Variants in SLC39A10 observed in about 807,000 individuals in gnomAD.
SLC39A10 encodes zinc transporter ZIP10.
SLC39A10 carries 13 observed loss-of-function variants against 65.1 expected under a neutral mutation model. That is an observed-to-expected ratio of 0.20 (90% confidence interval 0.13 to 0.32). SLC39A10 has a LOEUF of 0.32. SLC39A10 is among the 10% of genes least tolerant of loss of function. SLC39A10 has a pLI of 1.00. For missense variants in SLC39A10, 831 were observed against 1,018.4 expected (o/e 0.82, Z 2.50); for synonymous variants, 321 against 342.2 (o/e 0.94, Z 0.68).
chr2:195,693,089 A>AT (rs1429356658), intron 3 of SLC39A10, among the ~76,000 whole-genome samples: 4 of 151,954 alleles, frequency 2.6e-5, no homozygotes, highest in Admixed American at 2.0e-4. Flanking sequence ...TGATCTTGTG[A>AT]TTTTGTTTTT....
At chr2:195,624,978 C>T (rs752748110) in intron 2 of SLC39A10, among the ~76,000 whole-genome samples, 15 of 150,362 alleles carry the variant, frequency 1.0e-4, no homozygotes, top group Non-Finnish European at 1.9e-4. Context: ...TTTGAAAGAC[C>T]GAGGCGGGTG....
intron 3 of SLC39A10, among the ~76,000 whole-genome samples, chr2:195,693,021 G>T (rs1690803073): frequency 6.6e-6 from 1 of 152,112 alleles, no homozygotes; most frequent in African/African-American, 2.4e-5. Context: ...ATTGCTGAGG[G>T]TTTTAATCAT....
At chr2:195,630,371 G>A (rs759558263) in intron 2 of SLC39A10, among the ~76,000 whole-genome samples, 1 of 151,824 alleles carries the variant, frequency 6.6e-6, no homozygotes, top group African/African-American at 2.4e-5. Context: ...AGGGATGCAG[G>A]GCTTCCATGC....
chr2:195,682,031 C>T (rs1044379651), intron 2 of SLC39A10, among the ~76,000 whole-genome samples: 3 of 152,224 alleles, frequency 2.0e-5, no homozygotes, highest in East Asian at 1.9e-4. Context: ...TAATAAGAAA[C>T]TAATAGTAAT....
At chr2:195,619,616 A>C (rs1302566102) in intron 2 of SLC39A10, among the ~76,000 whole-genome samples, 11 of 152,270 alleles carry the variant, frequency 7.2e-5, no homozygotes, top group Admixed American at 3.3e-4. Flanking sequence ...GGAAATTGCA[A>C]ATGCAGAAGC....
chr2:195,730,815 A>C (rs1450453233), intron 9 of SLC39A10, among the ~76,000 whole-genome samples: 1 of 152,192 alleles, frequency 6.6e-6, no homozygotes, highest in African/African-American at 2.4e-5. Context: ...CCTGTCTTGC[A>C]GAAGTCTCCA....
At chr2:195,713,319 T>C in intron 5 of SLC39A10, 114 bp from the exon 6 acceptor site, 1 of 836,896 alleles carries the variant, frequency 1.2e-6, no homozygotes, top group Non-Finnish European at 1.7e-6. Flanking sequence ...TAAAATAATT[T>C]ATATATAAAG....
intron 2 of SLC39A10, among the ~76,000 whole-genome samples, chr2:195,636,197 T>C (rs1475663416): frequency 6.6e-6 from 1 of 152,246 alleles, no homozygotes; most frequent in Non-Finnish European, 1.5e-5. Flanking sequence ...AGACTCAATA[T>C]ACATTTCAGC....
At chr2:195,666,226 A>G (rs1438793364) in intron 1 of SLC39A10, among the ~76,000 whole-genome samples, 1 of 152,178 alleles carries the variant, frequency 6.6e-6, no homozygotes, top group Non-Finnish European at 1.5e-5. Flanking sequence ...GTTGTCTGAA[A>G]CATAAAAAAA....
chr2:195,661,940 A>G (rs1404181014), intron 1 of SLC39A10, among the ~76,000 whole-genome samples: 1 of 152,218 alleles, frequency 6.6e-6, no homozygotes, highest in Non-Finnish European at 1.5e-5. Context: ...ATCAGATAAT[A>G]CTTATCCTTG....
intron 2 of SLC39A10, among the ~76,000 whole-genome samples, chr2:195,643,773 C>T (rs566283326): frequency 6.6e-6 from 1 of 152,328 alleles, no homozygotes; most frequent in South Asian, 2.1e-4. Context: ...ATCATTCAAC[C>T]ATGGGTAGCC....
intron 3 of SLC39A10, among the ~76,000 whole-genome samples, chr2:195,705,121 A>G (rs73054458): frequency 0.061 from 9,312 of 152,034 alleles, 394 homozygotes; most frequent in African/African-American, 0.12. Context: ...CTTTCTTTCC[A>G]CTAACCAGGA....
At chr2:195,717,481 C>A in intron 7 of SLC39A10, 1 of 153,034 alleles carries the variant, frequency 6.5e-6, no homozygotes, top group Non-Finnish European at 1.5e-5. Flanking sequence ...TAAATGTGAT[C>A]AATACATAAT....
chr2:195,675,424 A>T (rs537244608), intron 1 of SLC39A10, among the ~76,000 whole-genome samples: 2 of 152,218 alleles, frequency 1.3e-5, no homozygotes, highest in South Asian at 4.1e-4. Context: ...AAAAACATTT[A>T]CAATATTGTA....
At chr2:195,723,460 C>A (rs748219860) in intron 8 of SLC39A10, among the ~76,000 whole-genome samples, 1 of 152,058 alleles carries the variant, frequency 6.6e-6, no homozygotes, top group Admixed American at 6.6e-5. Context: ...GGAAGACAGC[C>A]GCTTCCAGGT....
chr2:195,680,111 C>T lies in SLC39A10; in HGVS notation c.69C>T (p.Asn23=), dbSNP rs752946126. 6.2e-7 allele frequency: 1 copy of T among 1,612,854 alleles called. No homozygotes were observed. Among genetic ancestry groups the T allele is most frequent in the Non-Finnish European group, 8.5e-7 (1 of 1,179,770 alleles). ...CLLTFIFHHC[N]HCHEEHDHGP... ...TGACATTTATTTTTCATCATTGCAA[C>T]CATTGCCATGAAGAACATGACCATG... The change falls in exon 2 of 10, where the codon AAC becomes AAT. Residue 23 remains asparagine, a synonymous_variant. Transcript: ENST00000359634.
intron 2 of SLC39A10, among the ~76,000 whole-genome samples, chr2:195,648,540 T>C (rs1688970693): frequency 6.6e-6 from 1 of 152,050 alleles, no homozygotes. Context: ...TAGCCAGGCA[T>C]GGTGGTGCAT....
chr2:195,697,888 T>C (rs530121188), intron 3 of SLC39A10, among the ~76,000 whole-genome samples: 1 of 152,230 alleles, frequency 6.6e-6, no homozygotes, highest in South Asian at 2.1e-4. Context: ...CTTACACCAG[T>C]CAGAATGTTT....
intron 2 of SLC39A10, among the ~76,000 whole-genome samples, chr2:195,618,054 A>G (rs1688264384): frequency 2.1e-5 from 1 of 47,782 alleles, no homozygotes; most frequent in African/African-American, 8.8e-5. Flanking sequence ...TCTATTTTAA[A>G]AAGAAAAAGA....
Sources: gnomAD v4.1 joint callset for allele counts (sites outside exome capture counted in the v4.1 genomes callset) on GRCh38, gnomAD v4.1.1 for gene constraint, MANE v1.5 for transcripts, NCBI Gene and HGNC (gene_info 2026-07-23, HGNC 2026-07-21) for gene names.